PRELID2: variants seen among roughly 807,000 people sequenced by gnomAD.
PRELID2 encodes PRELI domain containing 2, also known as PRELI domain-containing protein 2.
A neutral mutation model predicts 28.4 loss-of-function variants in PRELID2; 25 were observed. That is an observed-to-expected ratio of 0.88 (90% CI 0.64 to 1.23). The LOEUF is 1.23. PRELID2 is among the 50% of genes most tolerant of loss of function. The pLI is 0.00. For synonymous variants in PRELID2, 76 were observed against 71.6 expected (o/e 1.06, Z -0.31); for missense variants, 201 against 214.4 (o/e 0.94, Z 0.39).
At chr5:145,357,063 G>A in the PRELID2 span, among the ~76,000 whole-genome samples, 1 of 152,070 alleles carries the variant, frequency 6.6e-6, no homozygotes, top group Non-Finnish European at 1.5e-5. Context: ...TTGGATATAG[G>A]CCCCCAATAT....
chr5:145,726,638 G>A, intron 1 of PRELID2, among the ~76,000 whole-genome samples: 1 of 152,166 alleles, frequency 6.6e-6, no homozygotes, highest in South Asian at 2.1e-4. Flanking sequence ...AGTCCACCAA[G>A]GTGCCTATCT....
chr5:145,677,767 A>T (rs1012715266), intron 1 of PRELID2, among the ~76,000 whole-genome samples: 3 of 152,196 alleles, frequency 2.0e-5, no homozygotes, highest in Non-Finnish European at 2.9e-5. Context: ...CACTGGGGAT[A>T]AAGTGTGAAT....
chr5:145,318,336 T>TCTG, the PRELID2 span, among the ~76,000 whole-genome samples: 2 of 152,212 alleles, frequency 1.3e-5, no homozygotes, highest in Non-Finnish European at 2.9e-5. Flanking sequence ...TTTCCTTTAC[T>TCTG]AAAACTCTCA....
At chr5:145,528,720 CACACACA>C (rs1561500395) in intron 1 of PRELID2, among the ~76,000 whole-genome samples, 1 of 134,652 alleles carries the variant, frequency 7.4e-6, no homozygotes, top group African/African-American at 2.9e-5. Flanking sequence ...CACACACACA[CACACACA>C]GAGAGAGAGA....
At chr5:145,337,736 C>G in the PRELID2 span, among the ~76,000 whole-genome samples, 1 of 6,054 alleles carries the variant, frequency 1.7e-4, no homozygotes, top group Non-Finnish European at 3.6e-4. Context: ...TATATACTCA[C>G]ACACACACAC....
intron 1 of PRELID2, among the ~76,000 whole-genome samples, chr5:145,598,116 A>C (rs1245019180): frequency 6.6e-6 from 1 of 152,210 alleles, no homozygotes; most frequent in Non-Finnish European, 1.5e-5. Flanking sequence ...AAGTGAAAAA[A>C]AGATGGCATA....
intron 1 of PRELID2, among the ~76,000 whole-genome samples, chr5:145,617,292 G>A (rs1290970734): frequency 6.6e-6 from 1 of 152,210 alleles, no homozygotes; most frequent in African/African-American, 2.4e-5. Context: ...ACAGGCATAG[G>A]AAATCACAAG....
At chr5:145,690,699 C>T (rs1755131425) in intron 1 of PRELID2, among the ~76,000 whole-genome samples, 1 of 152,076 alleles carries the variant, frequency 6.6e-6, no homozygotes, top group South Asian at 2.1e-4. Context: ...TTATTTAAGC[C>T]ACGTGAAGTG....
intron 4 of PRELID2, among the ~76,000 whole-genome samples, chr5:145,817,213 A>ATATATAT (rs1491118093): frequency 2.4e-5 from 2 of 85,074 alleles, no homozygotes; most frequent in Non-Finnish European, 5.6e-5. Flanking sequence ...ATAAATAAAT[A>ATATATAT]AAAAAAAATA....
the PRELID2 span, among the ~76,000 whole-genome samples, chr5:145,438,647 A>G: frequency 6.6e-6 from 1 of 152,204 alleles, no homozygotes; most frequent in South Asian, 2.1e-4. Flanking sequence ...TAAAATAAAT[A>G]GCACAAACTT....
chr5:145,551,608 A>G (rs1045135608), intron 1 of PRELID2, among the ~76,000 whole-genome samples: 5 of 152,188 alleles, frequency 3.3e-5, no homozygotes, highest in Non-Finnish European at 7.3e-5. Flanking sequence ...TGATCATTCT[A>G]TTTTGGAAAA....
the PRELID2 span, among the ~76,000 whole-genome samples, chr5:145,321,596 C>G: frequency 6.6e-6 from 1 of 152,164 alleles, no homozygotes; most frequent in Admixed American, 6.5e-5. Context: ...TTCACTTGCC[C>G]GCAAGCACCC....
chr5:145,352,932 C>A, the PRELID2 span, among the ~76,000 whole-genome samples: 1 of 152,262 alleles, frequency 6.6e-6, no homozygotes, highest in African/African-American at 2.4e-5. Flanking sequence ...TCAGCTTGGA[C>A]TTTATTGTCC....
intron 1 of PRELID2, among the ~76,000 whole-genome samples, chr5:145,525,483 A>G (rs1752599084): frequency 6.6e-6 from 1 of 152,150 alleles, no homozygotes; most frequent in Non-Finnish European, 1.5e-5. Context: ...GATTCACCTC[A>G]TCTCTTCACT....
chr5:145,361,202 A>C, the PRELID2 span, among the ~76,000 whole-genome samples: 1 of 152,172 alleles, frequency 6.6e-6, no homozygotes, highest in African/African-American at 2.4e-5. Context: ...TCTAAACTAA[A>C]AGCTGGTGTT....
the PRELID2 span, among the ~76,000 whole-genome samples, chr5:145,326,805 A>T: frequency 1.3e-5 from 2 of 152,126 alleles, no homozygotes; most frequent in South Asian, 4.1e-4. Context: ...ATTAGAGAAG[A>T]CCAGAAAAAA....
the PRELID2 span, among the ~76,000 whole-genome samples, chr5:145,333,691 C>A: frequency 2.6e-5 from 4 of 152,086 alleles, no homozygotes; most frequent in Non-Finnish European, 5.9e-5. Flanking sequence ...GTCAGTGAAT[C>A]TTAGCTTGCT....
At chr5:145,384,841 G>A in the PRELID2 span, among the ~76,000 whole-genome samples, 1 of 152,130 alleles carries the variant, frequency 6.6e-6, no homozygotes, top group East Asian at 1.9e-4. Flanking sequence ...ACTCTGCCAC[G>A]AGGAGAGCAC....
At chr5:145,825,286 T>C (rs1320745832) in intron 1 of PRELID2, among the ~76,000 whole-genome samples, 1 of 149,026 alleles carries the variant, frequency 6.7e-6, no homozygotes, top group Middle Eastern at 3.3e-3. Flanking sequence ...ATTGCTTTCT[T>C]GAAGTTCAGC....
Sources: allele counts gnomAD v4.1 joint callset (sites outside exome capture counted in the v4.1 genomes callset), GRCh38; gene constraint gnomAD v4.1.1; transcripts MANE v1.5; gene names NCBI Gene and HGNC (gene_info 2026-07-23, HGNC 2026-07-21).